MYO3B: variants seen among roughly 807,000 people sequenced by gnomAD.
MYO3B encodes the protein myosin-IIIb.
MYO3B carries 156 observed loss-of-function variants against 174.6 expected under a neutral mutation model. The observed-to-expected ratio is 0.89, with a 90% CI of 0.78 to 1.02. MYO3B has a LOEUF of 1.02. Ranked by LOEUF, MYO3B falls within the 50% of genes least tolerant of loss-of-function variation. The probability of loss-of-function intolerance (pLI) is 0.00; values close to 1 mark genes in which losing one functional copy is unlikely to be tolerated. For missense variants in MYO3B, 1,632 were observed against 1,639.4 expected, an observed-to-expected ratio of 1.00 and a Z score of 0.08; for synonymous variants, 563 against 569.1, an observed-to-expected ratio of 0.99 and a Z score of 0.15.
At chr2:170,302,533 TC>T (rs1243874950) in intron 7 of MYO3B, among the ~76,000 whole-genome samples, 1 of 152,184 alleles carries the variant, frequency 6.6e-6, no homozygotes, top group Admixed American at 6.5e-5. Context: ...GAGCAGTGGT[TC>T]CCAAACTTCT....
intron 22 of MYO3B, among the ~76,000 whole-genome samples, chr2:170,414,678 G>C (rs62168147): frequency 0.069 from 10,561 of 152,214 alleles, 426 homozygotes; most frequent in Non-Finnish European, 0.095. Context: ...GGAAGAATTA[G>C]CAACCTTGCT....
chr2:170,414,436 C>T lies in MYO3B; in HGVS notation c.2650+6592C>T, dbSNP rs182155737. The stretch of plus-strand genomic sequence containing the variant: ...ACTCCTGACCTCATGATCCACCCAC[C>T]TCAGCCTCCCAAAGTGTGGGGATTA... On this transcript the variant is annotated intron_variant, in intron 22 of 34. Transcript: ENST00000408978. 1.2e-4 allele frequency among the ~76,000 whole-genome samples: 18 copies of T among 152,310 alleles called. No homozygotes were observed. The East Asian group carries it at 3.1e-3, about 26-fold the overall frequency.
chr2:170,608,642 G>A (rs1007490658), intron 32 of MYO3B, among the ~76,000 whole-genome samples: 12 of 151,942 alleles, frequency 7.9e-5, no homozygotes, highest in African/African-American at 2.9e-4. Flanking sequence ...GTCCCAGTAT[G>A]CTTCAGCTGG....
At chr2:170,445,974 G>A (rs574779288) in intron 23 of MYO3B, among the ~76,000 whole-genome samples, 13 of 134,138 alleles carry the variant, frequency 9.7e-5, no homozygotes, top group South Asian at 7.8e-4. Flanking sequence ...ATTTTAAACA[G>A]CAAAATTACC....
At chr2:170,227,865 A>G (rs2092969147) in intron 6 of MYO3B, among the ~76,000 whole-genome samples, 1 of 152,096 alleles carries the variant, frequency 6.6e-6, no homozygotes, top group Non-Finnish European at 1.5e-5. Flanking sequence ...ATCCCCTACT[A>G]GCTGTGGCCT....
At chr2:170,509,433 G>A (rs1687833730) in intron 28 of MYO3B, among the ~76,000 whole-genome samples, 1 of 152,180 alleles carries the variant, frequency 6.6e-6, no homozygotes, top group Non-Finnish European at 1.5e-5. Context: ...AATAGTACCT[G>A]TCAAATCTCA....
chr2:170,535,354 T>C (rs1299554335), intron 30 of MYO3B, among the ~76,000 whole-genome samples: 1 of 152,206 alleles, frequency 6.6e-6, no homozygotes, highest in Non-Finnish European at 1.5e-5. Flanking sequence ...TTCAGTGTGG[T>C]ACGAGTGTGT....
chr2:170,460,385 G>A (rs1684205197), intron 23 of MYO3B, among the ~76,000 whole-genome samples: 1 of 150,108 alleles, frequency 6.7e-6, no homozygotes. Flanking sequence ...CTACTCAGGA[G>A]GCTGAGGCAG....
intron 32 of MYO3B, among the ~76,000 whole-genome samples, chr2:170,585,540 T>A (rs907686300): frequency 1.6e-4 from 24 of 152,144 alleles, no homozygotes; most frequent in African/African-American, 5.8e-4. Flanking sequence ...TTTGTAGTTT[T>A]TCAGGAGTGG....
chr2:170,519,513 A>C lies in MYO3B; in HGVS notation c.3548A>C (p.Asn1183Thr), dbSNP rs371891525. The C allele has an allele frequency of 2.5e-6, 4 of 1,613,672 alleles. No homozygotes were observed. In the African/African-American group the frequency reaches 4.0e-5, roughly 16 times the overall value. Residue 1183 changes from asparagine to threonine, a missense_variant, in exon 30 of 35, where the codon AAC becomes ACC. Physicochemically the swap from Asn to Thr is moderately conservative, Grantham distance 65. Coordinates refer to ENST00000408978, the MANE Select transcript of MYO3B (RefSeq NM_138995.5). ...SNNGRTQTSS[N>T]SPAVTEKNGH... ...AATGGCCGTACACAGACTTCAAGCAACTCTCCTGCTGTCACAGAGAAAAAT... is the reference window on the plus strand; with the variant it reads ...AATGGCCGTACACAGACTTCAAGCACCTCTCCTGCTGTCACAGAGAAAAAT...
intron 25 of MYO3B, among the ~76,000 whole-genome samples, chr2:170,477,627 T>C (rs1250621200): frequency 6.6e-6 from 1 of 151,702 alleles, no homozygotes; most frequent in African/African-American, 2.4e-5. Context: ...ATTGACATTT[T>C]GGACCAGATA....
chr2:170,492,707 C>A (rs925676990), intron 25 of MYO3B, among the ~76,000 whole-genome samples: 1 of 152,180 alleles, frequency 6.6e-6, no homozygotes, highest in African/African-American at 2.4e-5. Flanking sequence ...TACCTGTCTT[C>A]TCTTTAAGGT....
At chr2:170,648,327 T>A (rs1331782869) in intron 32 of MYO3B, among the ~76,000 whole-genome samples, 1 of 152,080 alleles carries the variant, frequency 6.6e-6, no homozygotes, top group Non-Finnish European at 1.5e-5. Context: ...TTTGCTATGC[T>A]AATTAATATG....
At chr2:170,565,480 C>G (rs988586470) in intron 32 of MYO3B, among the ~76,000 whole-genome samples, 1 of 152,064 alleles carries the variant, frequency 6.6e-6, no homozygotes, top group Admixed American at 6.5e-5. Flanking sequence ...AAGTGTTTGC[C>G]GAATGATGAA....
intron 24 of MYO3B, among the ~76,000 whole-genome samples, chr2:170,466,164 A>G (rs1189660136): frequency 6.6e-6 from 1 of 152,246 alleles, no homozygotes; most frequent in Non-Finnish European, 1.5e-5. Context: ...TGGACATTTT[A>G]AATTACAGAT....
intron 7 of MYO3B, among the ~76,000 whole-genome samples, chr2:170,279,974 A>G (rs1486355070): frequency 2.0e-5 from 3 of 152,180 alleles, no homozygotes; most frequent in Non-Finnish European, 4.4e-5. Context: ...TCCTTTGGGT[A>G]TATATCCAGT....
In MYO3B at chr2:170,479,869, G is replaced by GTA. The variant is rs753721520; in HGVS notation, c.3014+13166_3014+13167dup. Among the ~76,000 whole-genome samples, 53 of 148,082 alleles carry GTA rather than the reference G, an allele frequency of 3.6e-4. 1 individual carries two copies. In the South Asian group the frequency reaches 7.4e-3, roughly 21 times the overall value. On this transcript the variant is annotated intron_variant, in intron 25 of 34. Transcript: ENST00000408978. ...TATGCATATATAGGTGTATATGTGT[G>GTA]TATATATATGCACACATATTTATAG...
At chr2:170,550,634 A>C (rs1158902221) in intron 32 of MYO3B, among the ~76,000 whole-genome samples, 1 of 152,254 alleles carries the variant, frequency 6.6e-6, no homozygotes, top group Non-Finnish European at 1.5e-5. Flanking sequence ...CCACAGGGCC[A>C]GGAAATGAAA....
chr2:170,570,959 T>C (rs1224034336), intron 32 of MYO3B, among the ~76,000 whole-genome samples: 1 of 152,192 alleles, frequency 6.6e-6, no homozygotes, highest in Non-Finnish European at 1.5e-5. Context: ...TATCCCATCA[T>C]CCTAAAAGGA....
Sources: gnomAD v4.1 joint callset for allele counts (sites outside exome capture counted in the v4.1 genomes callset) on GRCh38, gnomAD v4.1.1 for gene constraint, MANE v1.5 for transcripts, NCBI Gene and HGNC (gene_info 2026-07-23, HGNC 2026-07-21) for gene names.